The following MYO10 variants were observed in gnomAD, a reference collection of about 807,000 sequenced individuals.
The protein encoded by MYO10 is myosin X.
A neutral mutation model predicts 257.3 loss-of-function variants in MYO10; 133 were observed. That is an observed-to-expected ratio of 0.52 (90% confidence interval 0.45 to 0.60). The LOEUF is 0.60. Ranked by LOEUF, MYO10 falls within the 20% of genes least tolerant of loss-of-function variation. MYO10 has a pLI of 0.00. For synonymous variants in MYO10, 1,104 were observed against 1,028.6 expected (o/e 1.07, Z -1.40); for missense variants, 2,399 against 2,635.7 (o/e 0.91, Z 1.97).
At chr5:16,738,878 G>A (rs1404118988) in intron 19 of MYO10, among the ~76,000 whole-genome samples, 3 of 127,120 alleles carry the variant, frequency 2.4e-5, no homozygotes, top group African/African-American at 9.1e-5. Context: ...GCAACAAAGG[G>A]AGACTCCATC....
Position 16,665,186 on chromosome 5 carries a change from G to C in MYO10, c.*1506C>G, listed in dbSNP as rs1736103600. On this transcript the variant is annotated 3_prime_UTR_variant, in exon 41 of 41. Coordinates refer to ENST00000513610, the MANE Select transcript of MYO10 (RefSeq NM_012334.3). The stretch of plus-strand genomic sequence containing the variant: ...CCACTGTACTCCAGCCTGGGTAACA[G>C]AGTGAGACTCTGTCTCTAAAGAAAA... 6.8e-6 allele frequency: 1 copy of C among 147,420 alleles called. No homozygotes were observed. Among genetic ancestry groups the C allele is most frequent in the Non-Finnish European group, 1.5e-5 (1 of 67,262 alleles). The allele number at this position is 147,420 out of a possible 1,614,324, so 9.1% of individuals were successfully genotyped here.
At chr5:16,888,291 G>T (rs1744948138) in intron 1 of MYO10, among the ~76,000 whole-genome samples, 1 of 150,100 alleles carries the variant, frequency 6.7e-6, no homozygotes, top group African/African-American at 2.5e-5. Flanking sequence ...CACTTTGGGA[G>T]TCCAAGGTGG....
At chr5:16,915,789 C>T (rs1745798688) in intron 1 of MYO10, among the ~76,000 whole-genome samples, 1 of 152,038 alleles carries the variant, frequency 6.6e-6, no homozygotes, top group Admixed American at 6.6e-5. Context: ...AACCCAGTCT[C>T]CAATAAAAAT....
At chr5:16,912,390 T>G (rs748267941) in intron 1 of MYO10, among the ~76,000 whole-genome samples, 8 of 152,098 alleles carry the variant, frequency 5.3e-5, no homozygotes, top group Non-Finnish European at 8.8e-5. Flanking sequence ...TCCCCACCAC[T>G]CCCTATGGCA....
chr5:16,887,530 G>A lies in MYO10; in HGVS notation c.22-9823C>T, dbSNP rs190232616. Among the ~76,000 whole-genome samples, 28 of 152,220 alleles carry A rather than the reference G, an allele frequency of 1.8e-4. 1 individual carries two copies. The highest frequency in any genetic ancestry group is 3.4e-3 in the Middle Eastern group (1 of 294). On this transcript the variant is annotated intron_variant, in intron 1 of 40. Transcript: ENST00000513610. Reference sequence around the variant, plus strand: ...TTTTTAGATGGAGTCTAGCTCCGCCGCCCAGGCTGGAATGCAGTGGCATGA... The same window carrying A: ...TTTTTAGATGGAGTCTAGCTCCGCCACCCAGGCTGGAATGCAGTGGCATGA...
At chr5:16,820,308 G>A (rs1334508784) in intron 2 of MYO10, among the ~76,000 whole-genome samples, 1 of 152,190 alleles carries the variant, frequency 6.6e-6, no homozygotes, top group Non-Finnish European at 1.5e-5. Flanking sequence ...TCCCCATGAT[G>A]CCAATCCAGG....
chr5:16,789,759 G>A (rs1324849328), intron 4 of MYO10, among the ~76,000 whole-genome samples: 2 of 152,138 alleles, frequency 1.3e-5, no homozygotes, highest in African/African-American at 4.8e-5. Flanking sequence ...TCCAGCATGG[G>A]CAACAGAGCA....
intron 2 of MYO10, among the ~76,000 whole-genome samples, chr5:16,859,279 G>C (rs559087011): frequency 3.3e-5 from 5 of 152,152 alleles, no homozygotes; most frequent in Non-Finnish European, 7.3e-5. Context: ...TTGCTTTCTG[G>C]TTCATAGATG....
chr5:16,854,561 C>CT (rs1743904985), intron 2 of MYO10, among the ~76,000 whole-genome samples: 2 of 151,986 alleles, frequency 1.3e-5, no homozygotes, highest in Non-Finnish European at 2.9e-5. Context: ...GGAGGGAGAG[C>CT]TTGGGAATGA....
intron 1 of MYO10, among the ~76,000 whole-genome samples, chr5:16,909,564 A>G (rs1745605505): frequency 6.6e-6 from 1 of 151,044 alleles, no homozygotes; most frequent in East Asian, 1.9e-4. Context: ...CACTATTGCG[A>G]GAATAGCACA....
chr5:16,901,353 C>A (rs938781849), intron 1 of MYO10, among the ~76,000 whole-genome samples: 5 of 152,132 alleles, frequency 3.3e-5, no homozygotes, highest in Non-Finnish European at 5.9e-5. Context: ...CCAGACCACC[C>A]GTGCTGGTTC....
rs151266743 is a variant in MYO10, at chr5:16,889,478, AGAAGGAAGGAAGGAAGGAAG to A, written c.22-11791_22-11772del. On this transcript the variant is annotated intron_variant, in intron 1 of 40. Coordinates refer to ENST00000513610, the MANE Select transcript of MYO10 (RefSeq NM_012334.3). The stretch of plus-strand genomic sequence containing the variant: ...AAGGAAGGGGAAGGGAAGAAAAGAA[AGAAGGAAGGAAGGAAGGAAG>A]GAAGGAAGGAAGGAAGGAAGGAAGG... 5.0e-3 allele frequency among the ~76,000 whole-genome samples: 660 copies of A among 131,994 alleles called. 12 individuals carry two copies. The highest frequency in any genetic ancestry group is 0.02 in the East Asian group (93 of 4,572). 86.6% of individuals were successfully genotyped at this position (131,994 alleles called of 152,430 possible). A position where few individuals can be genotyped will look rare whatever the true frequency, so the allele number is the denominator to read the frequency against.
At chr5:16,864,566 T>G (rs1744190561) in intron 2 of MYO10, among the ~76,000 whole-genome samples, 1 of 152,212 alleles carries the variant, frequency 6.6e-6, no homozygotes, top group Non-Finnish European at 1.5e-5. Flanking sequence ...CAGACATCTC[T>G]GTAGGAACCA....
chr5:16,829,434 C>A (rs985410043), intron 2 of MYO10, among the ~76,000 whole-genome samples: 5 of 152,138 alleles, frequency 3.3e-5, no homozygotes, highest in Non-Finnish European at 7.4e-5. Context: ...CACAGGAAAG[C>A]AATCTTCTGA....
Position 16,761,408 on chromosome 5 carries a change from T to G in MYO10, c.1739+56A>C, listed in dbSNP as rs1740709102. On this transcript the variant is annotated intron_variant, in intron 17 of 40. Transcript: ENST00000513610. ...GTTCTATATTTGTGAATTAAAAGCA[T>G]TTGCACAAATATTCATTTGCTTGCT... The G allele has an allele frequency of 3.7e-6, 5 of 1,358,468 alleles. No homozygotes were observed. The Admixed American group carries it at 7.1e-5, about 19-fold the overall frequency. 84.2% of individuals were successfully genotyped at this position (1,358,468 alleles called of 1,614,324 possible). A position where few individuals can be genotyped will look rare whatever the true frequency, so the allele number is the denominator to read the frequency against.
In MYO10 at chr5:16,682,000, C is replaced by T. The variant is rs755162209; in HGVS notation, c.4060G>A (p.Val1354Met). The T allele has an allele frequency of 6.2e-7, 1 of 1,613,458 alleles. No individual in the cohort carries two copies. The highest frequency in any genetic ancestry group is 1.1e-5 in the South Asian group (1 of 91,074). The change falls in exon 31 of 41, where the codon GTG becomes ATG. Residue 1354 changes from valine to methionine, a missense_variant. By Grantham distance (21) the Val-to-Met change is conservative (BLOSUM62 1). Around this residue, in one of 3 missense-constraint regions of MYO10, gnomAD observed 1,820 missense variants for 1,939.4 expected, o/e 0.94. Transcript: ENST00000513610. ...AGCACCCGGTTGGCCGTGATGATCA[C>T]AAACGAGTTGGGTCTGAGCCACAAG... is the stretch of plus-strand genomic sequence containing the variant. ...SDSPDRPNSF[V>M]IITANRVLHC...
intron 1 of MYO10, among the ~76,000 whole-genome samples, chr5:16,881,522 C>T (rs1014126778): frequency 2.6e-5 from 4 of 152,214 alleles, no homozygotes; most frequent in African/African-American, 9.7e-5. Flanking sequence ...TTCAAATCCA[C>T]AGCCCATTGG....
intron 2 of MYO10, among the ~76,000 whole-genome samples, chr5:16,866,048 C>G (rs922541799): frequency 2.7e-5 from 4 of 147,898 alleles, no homozygotes; most frequent in African/African-American, 9.9e-5. Flanking sequence ...CACACACACA[C>G]ACACACACAC....
intron 1 of MYO10, among the ~76,000 whole-genome samples, chr5:16,892,859 CA>C (rs1745101226): frequency 1.3e-5 from 2 of 152,000 alleles, no homozygotes; most frequent in Non-Finnish European, 2.9e-5. Flanking sequence ...TCCAAACCAA[CA>C]ACATTACCAG....
Sources: allele counts gnomAD v4.1 joint callset (sites outside exome capture counted in the v4.1 genomes callset), GRCh38; gene constraint gnomAD v4.1.1; regional missense constraint gnomAD v4.1.1; transcripts MANE v1.5; gene names NCBI Gene and HGNC (gene_info 2026-07-23, HGNC 2026-07-21).